RFC1: variants seen among roughly 807,000 people sequenced by gnomAD.
RFC1 encodes A1 140 kDa subunit.
In RFC1, 37 loss-of-function variants were observed where a neutral mutation model predicts 137.4. The observed-to-expected ratio is 0.27, with a 90% CI of 0.21 to 0.35. RFC1 has a LOEUF of 0.35. RFC1 is among the 10% of genes least tolerant of loss of function. RFC1 has a pLI of 1.00. For synonymous variants in RFC1, 429 were observed against 455.7 expected (o/e 0.94, Z 0.75); for missense variants, 1,205 against 1,358.5 (o/e 0.89, Z 1.78).
At chr4:39,306,944 G>A (rs1029670257) in intron 13 of RFC1, among the ~76,000 whole-genome samples, 2 of 152,144 alleles carry the variant, frequency 1.3e-5, no homozygotes, top group African/African-American at 2.4e-5. Flanking sequence ...CTCTTGATTT[G>A]AAATAATAAT....
chr4:39,352,190 G>A lies in RFC1; in HGVS notation c.4-714C>T, dbSNP rs536158330. The stretch of plus-strand genomic sequence containing the variant: ...GGGAGAAGACAAAGTTGGAGAATAT[G>A]ATCCTTGTCTGTGGAACATATACTC... On this transcript the variant is annotated intron_variant, in intron 1 of 24. Transcript: ENST00000349703. Among the ~76,000 whole-genome samples the A allele has an allele frequency of 7.2e-5, 11 of 152,076 alleles. No homozygotes were observed. In the South Asian group the frequency reaches 2.3e-3, roughly 32 times the overall value.
intron 1 of RFC1, among the ~76,000 whole-genome samples, chr4:39,362,995 T>C (rs529542151): frequency 6.6e-6 from 1 of 152,358 alleles, no homozygotes; most frequent in African/African-American, 2.4e-5. Flanking sequence ...AACCATGATG[T>C]GAAAGTTGCC....
At chr4:39,296,035 A>G (rs867190066) in intron 21 of RFC1, 49 of 281,548 alleles carry the variant, frequency 1.7e-4, no homozygotes, top group African/African-American at 8.2e-4. Flanking sequence ...ACTAATCTCA[A>G]CATACCGGTT....
chr4:39,313,233 T>C (rs1739055831), intron 10 of RFC1, among the ~76,000 whole-genome samples: 1 of 152,220 alleles, frequency 6.6e-6, no homozygotes. Context: ...CCTCTTCATA[T>C]CTAAACTACT....
At position 39,326,549 on chromosome 4, in the gene RFC1, C is replaced by A; in HGVS notation, c.642+14G>T. 1 of 1,609,948 alleles carries A rather than the reference C, an allele frequency of 6.2e-7. No individual in the cohort carries two copies. The highest frequency in any genetic ancestry group is 8.5e-7 in the Non-Finnish European group (1 of 1,176,974). ...ATATCAAGTTACTAATGATTCTAAG[C>A]AAAATGCCAATACCTCCGCATCTTC... On this transcript the variant is annotated intron_variant, in intron 6 of 24. Transcript: ENST00000349703.
At chr4:39,332,277 T>G (rs1486766764) in intron 4 of RFC1, among the ~76,000 whole-genome samples, 1 of 152,218 alleles carries the variant, frequency 6.6e-6, no homozygotes, top group African/African-American at 2.4e-5. Flanking sequence ...CCCTTAGCTT[T>G]CAGAGTCAGT....
intron 24 of RFC1, 30 bp downstream of exon 24, chr4:39,289,818 G>A (rs1470416991): frequency 6.8e-7 from 1 of 1,466,038 alleles, no homozygotes; most frequent in African/African-American, 1.4e-5. Flanking sequence ...TCTATTTTGA[G>A]GTTCTCCTGT....
At chr4:39,305,465 G>A (rs1435742960) in intron 14 of RFC1, among the ~76,000 whole-genome samples, 1 of 152,060 alleles carries the variant, frequency 6.6e-6, no homozygotes, top group Non-Finnish European at 1.5e-5. Context: ...AAAATTAGCT[G>A]GGCGTGGTGG....
intron 22 of RFC1, among the ~76,000 whole-genome samples, 183 bp downstream of exon 22, chr4:39,295,431 A>G (rs1158053960): frequency 6.6e-6 from 1 of 152,248 alleles, no homozygotes; most frequent in Non-Finnish European, 1.5e-5. Context: ...AACAAGTGTT[A>G]TACTGATTAC....
intron 15 of RFC1, 186 bp from the exon 16 acceptor site, chr4:39,303,337 T>C (rs1578114654): frequency 3.4e-6 from 2 of 581,326 alleles, no homozygotes; most frequent in Non-Finnish European, 6.1e-6. Context: ...AGAGAAACTC[T>C]CCCTGCCACC....
In RFC1 at chr4:39,305,884, C is replaced by T. The variant is rs566036345; in HGVS notation, c.1995+708G>A. 9.2e-5 allele frequency among the ~76,000 whole-genome samples: 14 copies of T among 152,170 alleles called. No individual in the cohort carries two copies. The South Asian group carries it at 2.7e-3, about 29-fold the overall frequency. On this transcript the variant is annotated intron_variant, in intron 14 of 24. Coordinates refer to ENST00000349703, the MANE Select transcript of RFC1 (RefSeq NM_002913.5). ...TTGCTTTTTCATTAATGTTTATAAACACAGTGGAAACAGATAAAATTTTAT... is the reference window on the plus strand; with the variant it reads ...TTGCTTTTTCATTAATGTTTATAAATACAGTGGAAACAGATAAAATTTTAT...
intron 20 of RFC1, 52 bp downstream of exon 20, chr4:39,300,208 C>T (rs1388519341): frequency 6.2e-7 from 1 of 1,611,760 alleles, no homozygotes; most frequent in Non-Finnish European, 8.5e-7. Context: ...GGGTATTTAG[C>T]CTTCGCAGTG....
At chr4:39,320,692 G>T in intron 8 of RFC1, 23 bp from the exon 9 acceptor site, 1 of 1,541,290 alleles carries the variant, frequency 6.5e-7, no homozygotes, top group South Asian at 1.3e-5. Context: ...AAAAGATTAT[G>T]GTTGTTGTTT....
At chr4:39,364,748 AAAAC>A (rs1402452412) in intron 1 of RFC1, among the ~76,000 whole-genome samples, 3 of 152,176 alleles carry the variant, frequency 2.0e-5, no homozygotes, top group Non-Finnish European at 4.4e-5. Context: ...CTTAATCCCC[AAAAC>A]AATCACTATG....
chr4:39,350,979 G>A (rs1275835945), intron 2 of RFC1, among the ~76,000 whole-genome samples: 3 of 152,074 alleles, frequency 2.0e-5, no homozygotes, highest in Non-Finnish European at 2.9e-5. Flanking sequence ...TGGCTGGCAC[G>A]GTGGCTCACG....
rs151167949 is a variant in RFC1, at chr4:39,355,097, ATACACACACAC to A, written c.4-3632_4-3622del. On this transcript the variant is annotated intron_variant, in intron 1 of 24. Transcript: ENST00000349703. ...ACTCATCTCAAAAAAAAAAAAAAAA[ATACACACACAC>A]ACACACACACACACACACACACACA... 7.4e-4 allele frequency among the ~76,000 whole-genome samples: 26 copies of A among 34,992 alleles called. No homozygotes were observed. In the Middle Eastern group the frequency reaches 0.038, roughly 52 times the overall value. The allele number at this position is 34,992 out of a possible 152,430, so 23.0% of individuals were successfully genotyped here. A position where few individuals can be genotyped will look rare whatever the true frequency, so the allele number is the denominator to read the frequency against.
At chr4:39,325,184 G>A (rs757794531) in intron 6 of RFC1, among the ~76,000 whole-genome samples, 2 of 152,102 alleles carry the variant, frequency 1.3e-5, no homozygotes, top group African/African-American at 2.4e-5. Flanking sequence ...ATTTCCAAAT[G>A]TCCATCTTCA....
intron 3 of RFC1, 127 bp from the exon 4 acceptor site, chr4:39,342,594 T>A: frequency 1.1e-6 from 1 of 879,490 alleles, no homozygotes; most frequent in Non-Finnish European, 1.7e-6. Context: ...CTGTGAATTC[T>A]CACAGGTTAC....
At chr4:39,306,023 T>C (rs769275145) in intron 14 of RFC1, among the ~76,000 whole-genome samples, 24 of 152,228 alleles carry the variant, frequency 1.6e-4, no homozygotes, top group Non-Finnish European at 2.9e-5. Flanking sequence ...ATCACTGTGA[T>C]ACTAACACGT....
Sources: gnomAD v4.1 joint callset for allele counts (sites outside exome capture counted in the v4.1 genomes callset) on GRCh38, gnomAD v4.1.1 for gene constraint, MANE v1.5 for transcripts, NCBI Gene and HGNC (gene_info 2026-07-23, HGNC 2026-07-21) for gene names.